Variants in POLR1E observed in about 807,000 individuals in gnomAD.
POLR1E encodes the protein DNA-directed RNA polymerase I subunit RPA49.
In POLR1E, 37 loss-of-function variants were observed where a neutral mutation model predicts 50.9. The observed-to-expected ratio is 0.73, with a 90% CI of 0.56 to 0.96. The LOEUF (loss-of-function observed/expected upper bound fraction) is 0.96, where lower values mean the gene tolerates loss of function less well. Ranked by LOEUF, POLR1E falls within the 40% of genes least tolerant of loss-of-function variation. The pLI is 0.00. For synonymous variants in POLR1E, 166 were observed against 191.6 expected (o/e 0.87, Z 1.10); for missense variants, 426 against 518.1 (o/e 0.82, Z 1.73).
intron 4 of POLR1E, among the ~76,000 whole-genome samples, chr9:37,490,186 C>T (rs1011311187): frequency 6.6e-6 from 1 of 152,140 alleles, no homozygotes; most frequent in African/African-American, 2.4e-5. Context: ...ACAAATATTT[C>T]ATACGTAATA....
chr9:37,487,800 G>T lies in POLR1E; in HGVS notation c.181-63G>T, dbSNP rs900154764. The T allele has an allele frequency of 4.0e-6, 6 of 1,484,120 alleles. No homozygotes were observed. The African/African-American group carries it at 8.3e-5, about 21-fold the overall frequency. The allele number at this position is 1,484,120 out of a possible 1,614,324, so 91.9% of individuals were successfully genotyped here. On this transcript the variant is annotated intron_variant, in intron 2 of 11. Transcript: ENST00000377798. Reference sequence around the variant, plus strand: ...AAAGCCTCAGCAAATGTAGAAAAGAGAAATGATGCTTAATACCTTTCAACA... The same window carrying T: ...AAAGCCTCAGCAAATGTAGAAAAGATAAATGATGCTTAATACCTTTCAACA...
At chr9:37,488,047 G>A in intron 3 of POLR1E, 108 bp downstream of exon 3, 4 of 1,101,614 alleles carry the variant, frequency 3.6e-6, no homozygotes, top group Non-Finnish European at 5.4e-6. Flanking sequence ...GCCATCTAGA[G>A]AGGTTTACTA....
At position 37,495,938 on chromosome 9, in the gene POLR1E, T is replaced by C; in HGVS notation, c.704T>C (p.Phe235Ser). 6.2e-7 allele frequency: 1 copy of C among 1,614,114 alleles called. No individual in the cohort carries two copies. Among genetic ancestry groups the C allele is most frequent in the African/African-American group, 1.3e-5 (1 of 75,042 alleles). ...GCTCTTCAGAGCCCATCTGAAGCTT[T>C]CAGGAACGTCACGTCAGAAGAAATA... ...YEALQSPSEA[F>S]RNVTSEEILK... The change falls in exon 8 of 12, where the codon TTC becomes TCC. Residue 235 changes from phenylalanine to serine, a missense_variant. By Grantham distance (155) the Phe-to-Ser change is radical. Coordinates refer to ENST00000377798, the MANE Select transcript of POLR1E (RefSeq NM_022490.4).
Position 37,486,708 on chromosome 9 carries a change from T to C in POLR1E, c.82T>C (p.Phe28Leu), listed in dbSNP as rs1424222740. The change falls in exon 2 of 12, where the codon TTC (phenylalanine) becomes CTC (leucine). Residue 28 changes from phenylalanine (F) to leucine (L), a missense_variant. Physicochemically the swap from Phe to Leu is conservative, Grantham distance 22 (BLOSUM62 0). Coordinates refer to ENST00000377798, the MANE Select transcript of POLR1E (RefSeq NM_022490.4). The stretch of plus-strand genomic sequence containing the variant: ...CTTGGGCTGCACTCTTACAGTCCAG[T>C]TCTCCAACGGGAAGCTACAGAGTCC... ...DGSQRAVLVQ[F>L]SNGKLQSPGN... 2.5e-6 allele frequency: 4 copies of C among 1,614,088 alleles called. No individual in the cohort carries two copies. Among genetic ancestry groups the C allele is most frequent in the Non-Finnish European group, 3.4e-6 (4 of 1,180,042 alleles).
At chr9:37,491,049 C>T (rs1406452757) in intron 4 of POLR1E, among the ~76,000 whole-genome samples, 1 of 152,220 alleles carries the variant, frequency 6.6e-6, no homozygotes, top group East Asian at 1.9e-4. Context: ...GGACAAGTCT[C>T]TACACTAATT....
intron 3 of POLR1E, among the ~76,000 whole-genome samples, chr9:37,488,513 T>C (rs1201535597): frequency 2.7e-5 from 4 of 150,352 alleles, no homozygotes; most frequent in African/African-American, 9.9e-5. Flanking sequence ...AGGCCCTTTC[T>C]GAGCCCCGGT....
intron 4 of POLR1E, among the ~76,000 whole-genome samples, chr9:37,492,037 T>G (rs1255805346): frequency 5.3e-5 from 8 of 152,248 alleles, no homozygotes; most frequent in Non-Finnish European, 2.9e-5. Context: ...TAGTCACTGT[T>G]CTAAGCACTT....
rs910721814 is a variant in POLR1E at position 37,498,159 on chromosome 9, C to T, written c.821C>T (p.Ala274Val). The T allele has an allele frequency of 6.2e-7, 1 of 1,613,796 alleles. No individual in the cohort carries two copies. Among genetic ancestry groups the T allele is most frequent in the Non-Finnish European group, 8.5e-7 (1 of 1,179,834 alleles). ...PSDVESRDRQ[A>V]RCIWFLDTLI... ...GATGTGGAGAGCCGAGACCGCCAGG[C>T]CCGATGCATATGGTTTCTGGATACC... The change falls in exon 9 of 12, where the codon GCC becomes GTC. Residue 274 changes from alanine to valine, a missense_variant. By Grantham distance (64) the Ala-to-Val change is moderately conservative (BLOSUM62 0). Transcript: ENST00000377798.
At chr9:37,497,287 G>A (rs1432586599) in intron 8 of POLR1E, among the ~76,000 whole-genome samples, 11 of 152,332 alleles carry the variant, frequency 7.2e-5, no homozygotes, top group African/African-American at 2.2e-4. Context: ...CCCAGGAAGC[G>A]GAGGTTGCGG....
chr9:37,495,661 C>T (rs1388562903), intron 7 of POLR1E, among the ~76,000 whole-genome samples: 2 of 152,208 alleles, frequency 1.3e-5, no homozygotes, highest in African/African-American at 2.4e-5. Flanking sequence ...AGGAAAATGC[C>T]TGCAGTGGCT....
rs141476960 is a variant in POLR1E, at chr9:37,494,593, A to G, written c.548-576A>G. 7.6e-4 allele frequency among the ~76,000 whole-genome samples: 116 copies of G among 152,070 alleles called. No individual in the cohort carries two copies. In the East Asian group the frequency reaches 0.012, roughly 15 times the overall value. ...GCTGGGATCACAGATGTGTGCCACC[A>G]TGCTCAGCTAATTTTTTTAGTTTTT... On this transcript the variant is annotated intron_variant, in intron 6 of 11. Transcript: ENST00000377798.
chr9:37,498,704 C>T (rs926272364), intron 9 of POLR1E, among the ~76,000 whole-genome samples: 1 of 152,120 alleles, frequency 6.6e-6, no homozygotes, highest in African/African-American at 2.4e-5. Context: ...TGATGGTAAC[C>T]CAGTGTCACC....
intron 4 of POLR1E, chr9:37,490,303 A>G (rs1166798517): frequency 4.3e-6 from 2 of 461,180 alleles, no homozygotes; most frequent in Non-Finnish European, 7.8e-6. Flanking sequence ...TACATAATGA[A>G]CTAGGACATA....
rs1423939053 is a variant in POLR1E, at chr9:37,501,723, T to C, written c.979T>C (p.Leu327=). The part of the protein sequence containing the change: ...LTYNNGRLRN[L]ISDSMKAKIT... ...CCACTGATTTTCTAGATTACGGAAC[T>C]TAATTTCGGATTCTATGAAGGCGAA... The change falls in exon 11 of 12, where the codon TTA becomes CTA. Residue 327 remains leucine (L), a synonymous_variant. Transcript: ENST00000377798. 1.9e-6 allele frequency: 3 copies of C among 1,607,984 alleles called. No individual in the cohort carries two copies. Among genetic ancestry groups the C allele is most frequent in the Non-Finnish European group, 1.7e-6 (2 of 1,178,672 alleles).
intron 8 of POLR1E, among the ~76,000 whole-genome samples, chr9:37,497,687 C>G (rs7045170): frequency 0.28 from 42,428 of 152,110 alleles, 6,508 homozygotes; most frequent in African/African-American, 0.4. Flanking sequence ...GCCCTTTATT[C>G]ATCCCTGCAC....
At chr9:37,486,512 C>T in intron 1 of POLR1E, 191 bp from the exon 2 acceptor site, 2 of 1,557,008 alleles carry the variant, frequency 1.3e-6, no homozygotes, top group South Asian at 2.3e-5. Flanking sequence ...CCCCAGGGTT[C>T]TCCCACCTCC....
chr9:37,498,048 A>G, intron 8 of POLR1E, 43 bp from the exon 9 acceptor site: 2 of 1,603,704 alleles, frequency 1.2e-6, no homozygotes, highest in Non-Finnish European at 1.7e-6. Context: ...GACAGAGCCC[A>G]TCTTACCCTG....
At chr9:37,486,459 G>C in intron 1 of POLR1E, 4 of 1,550,344 alleles carry the variant, frequency 2.6e-6, no homozygotes, top group Non-Finnish European at 3.5e-6. Flanking sequence ...GGCCTCTGCT[G>C]TCAGCCTCCT....
chr9:37,490,395 G>A (rs540142241), intron 4 of POLR1E: 10 of 721,664 alleles, frequency 1.4e-5, no homozygotes, highest in African/African-American at 7.0e-5. Context: ...TTACAGTCCA[G>A]AGGTCTTTCA....
Sources: gnomAD v4.1 joint callset for allele counts (sites outside exome capture counted in the v4.1 genomes callset) on GRCh38, gnomAD v4.1.1 for gene constraint, MANE v1.5 for transcripts, NCBI Gene and HGNC (gene_info 2026-07-23, HGNC 2026-07-21) for gene names.